Variants in CYP2J2 observed in about 807,000 individuals in gnomAD.
The protein encoded by CYP2J2 is cytochrome P450 2J2.
In CYP2J2, 41 loss-of-function variants were observed where a neutral mutation model predicts 48.8. The ratio of observed to expected loss-of-function variants is 0.84; its 90% confidence interval spans 0.66 to 1.09. The LOEUF is 1.09. Among genes scored for constraint, CYP2J2 ranks in the 50% least tolerant of loss-of-function variants. CYP2J2 has a pLI of 0.00. For synonymous variants in CYP2J2, 221 were observed against 227.1 expected (o/e 0.97, Z 0.24); for missense variants, 644 against 617.3 (o/e 1.04, Z -0.46).
chr1:59,956,426 T>G, the CYP2J2 span, among the ~76,000 whole-genome samples: 1 of 152,268 alleles, frequency 6.6e-6, no homozygotes, highest in Non-Finnish European at 1.5e-5. Flanking sequence ...ACCTTTGAAC[T>G]TATGAATATG....
the CYP2J2 span, among the ~76,000 whole-genome samples, chr1:59,949,158 C>T: frequency 1.3e-5 from 2 of 152,192 alleles, no homozygotes; most frequent in Non-Finnish European, 2.9e-5. Context: ...GCCTATATTA[C>T]TGACATACTT....
chr1:59,949,185 C>T, the CYP2J2 span, among the ~76,000 whole-genome samples: 5 of 152,160 alleles, frequency 3.3e-5, no homozygotes, highest in East Asian at 1.9e-4. Context: ...AGACCTATTG[C>T]ACAACTTATG....
the CYP2J2 span, among the ~76,000 whole-genome samples, chr1:59,940,052 G>A: frequency 5.9e-5 from 9 of 152,166 alleles, no homozygotes; most frequent in African/African-American, 2.2e-4. Context: ...ACTCCCAAGA[G>A]CTCACTTTGT....
In CYP2J2 at chr1:59,905,055, T is replaced by C. The variant is rs1481020359; in HGVS notation, c.1007A>G (p.Lys336Arg). 4 of 1,612,256 alleles carry C rather than the reference T, an allele frequency of 2.5e-6. No individual in the cohort carries two copies. Among genetic ancestry groups the C allele is most frequent in the Non-Finnish European group, 3.4e-6 (4 of 1,179,634 alleles). ...YMALYPEIQE[K>R]VQAEIDRVIG... ...CACTCTGTCAATCTCAGCTTGTACTTTTTCTGGTAAAGAGGGAAGGGTTCT... is the reference window on the plus strand; with the variant it reads ...CACTCTGTCAATCTCAGCTTGTACTCTTTCTGGTAAAGAGGGAAGGGTTCT... The change falls in exon 7 of 9, where the codon AAA (lysine) becomes AGA (arginine). Residue 336 changes from lysine to arginine, a missense_variant. Lys to Arg is a conservative substitution (Grantham distance 26). Transcript: ENST00000371204.
In CYP2J2 at chr1:59,914,660, A is replaced by G. The variant is rs11572248; in HGVS notation, c.373+1278T>C. Among the ~76,000 whole-genome samples, 1,404 of 152,310 alleles carry G rather than the reference A, an allele frequency of 9.2e-3. 18 individuals are homozygous for G. The highest frequency in any genetic ancestry group is 0.032 in the African/African-American group (1,315 of 41,572). On this transcript the variant is annotated intron_variant, in intron 2 of 8. Transcript: ENST00000371204. Reference sequence around the variant, plus strand: ...TCTTGATAAACCAGGGGCGCAATGCACTGTGAAAAGCTGCAGGGACCTCTC... The same window carrying G: ...TCTTGATAAACCAGGGGCGCAATGCGCTGTGAAAAGCTGCAGGGACCTCTC...
At chr1:59,967,514 G>A in the CYP2J2 span, among the ~76,000 whole-genome samples, 2 of 152,210 alleles carry the variant, frequency 1.3e-5, no homozygotes, top group Admixed American at 6.5e-5. Context: ...CCAGACTGCT[G>A]GGGCCTCTGC....
At chr1:59,922,698 T>C (rs1018100235) in intron 1 of CYP2J2, among the ~76,000 whole-genome samples, 1 of 152,238 alleles carries the variant, frequency 6.6e-6, no homozygotes, top group Non-Finnish European at 1.5e-5. Flanking sequence ...CATTCCATTT[T>C]ACTTCTATTA....
At chr1:59,956,310 G>T in the CYP2J2 span, among the ~76,000 whole-genome samples, 2 of 152,288 alleles carry the variant, frequency 1.3e-5, no homozygotes, top group East Asian at 3.9e-4. Context: ...GTTGGTCAGT[G>T]CTAGAGATGG....
At chr1:59,913,432 T>A (rs1020908780) in intron 2 of CYP2J2, among the ~76,000 whole-genome samples, 1 of 152,180 alleles carries the variant, frequency 6.6e-6, no homozygotes, top group South Asian at 2.1e-4. Context: ...TTTGCTGACT[T>A]AAAGGTATTT....
At chr1:59,935,005 TATATATATAC>T in the CYP2J2 span, among the ~76,000 whole-genome samples, 80 of 47,238 alleles carry the variant, frequency 1.7e-3, 3 homozygotes, top group Non-Finnish European at 2.2e-3. Context: ...TATATATATA[TATATATATAC>T]ATATATATAT....
At chr1:59,905,769 A>C (rs1644359500) in intron 6 of CYP2J2, among the ~76,000 whole-genome samples, 1 of 152,236 alleles carries the variant, frequency 6.6e-6, no homozygotes, top group South Asian at 2.1e-4. Flanking sequence ...GATTTGTGTG[A>C]CCAGATAGGA....
chr1:59,912,165 TCTC>T lies in CYP2J2; in HGVS notation c.517_519del (p.Glu173del), dbSNP rs757528200. The T allele has an allele frequency of 2.1e-5, 34 of 1,612,556 alleles. No individual in the cohort carries two copies. In the East Asian group the frequency reaches 6.9e-4, roughly 33 times the overall value. On this transcript the variant is annotated inframe_deletion, in exon 3 of 9. Transcript: ENST00000371204. ...CTCTGTCATATGCAATGCTCACCGT[TCTC>T]CTCTTTTATTGCTTCAGTGAGGTGT...
At chr1:59,945,175 T>C in the CYP2J2 span, among the ~76,000 whole-genome samples, 1 of 152,214 alleles carries the variant, frequency 6.6e-6, no homozygotes, top group South Asian at 2.1e-4. Context: ...ACAGCATTTT[T>C]ACTGCAATAA....
At chr1:59,963,672 C>T in the CYP2J2 span, among the ~76,000 whole-genome samples, 196 of 152,196 alleles carry the variant, frequency 1.3e-3, no homozygotes, top group South Asian at 2.3e-3. Flanking sequence ...CTGTTCAACC[C>T]GTTTTCAACT....
chr1:59,913,422 T>C (rs1644436340), intron 2 of CYP2J2, among the ~76,000 whole-genome samples: 1 of 152,218 alleles, frequency 6.6e-6, no homozygotes, highest in African/African-American at 2.4e-5. Flanking sequence ...CCTGCCTCAC[T>C]TTGCTGACTT....
At chr1:59,906,354 C>A (rs188693762) in intron 6 of CYP2J2, among the ~76,000 whole-genome samples, 2 of 152,178 alleles carry the variant, frequency 1.3e-5, no homozygotes, top group Admixed American at 1.3e-4. Flanking sequence ...GGTGAGCCGT[C>A]TTACAGAGTG....
the CYP2J2 span, among the ~76,000 whole-genome samples, chr1:59,954,331 G>A: frequency 6.6e-6 from 1 of 152,084 alleles, no homozygotes; most frequent in African/African-American, 2.4e-5. Context: ...AATCACTTTG[G>A]TTCAGTTAAT....
rs1256587594 is a variant in CYP2J2 at position 59,911,711 on chromosome 1, G to C, written c.581C>G (p.Ser194Cys). Residue 194 changes from serine to cysteine, a missense_variant, in exon 4 of 9, where the codon TCC (serine) becomes TGC (cysteine). Transcript: ENST00000371204. ...INNAVSNIIC[S>C]ITFGERFEYQ... Reference sequence around the variant, plus strand: ...CTCAAAGCGTTCTCCGAAGGTGATGGAGCAAATGATATTGGAAACTGCATT... The same window carrying C: ...CTCAAAGCGTTCTCCGAAGGTGATGCAGCAAATGATATTGGAAACTGCATT... 1 of 1,613,596 alleles carries C rather than the reference G, an allele frequency of 6.2e-7. No homozygotes were observed. The highest frequency in any genetic ancestry group is 1.3e-5 in the African/African-American group (1 of 74,880).
intron 1 of CYP2J2, among the ~76,000 whole-genome samples, chr1:59,925,456 G>T (rs980806439): frequency 1.3e-5 from 2 of 152,080 alleles, no homozygotes; most frequent in Admixed American, 6.5e-5. Flanking sequence ...ATATTTAAAA[G>T]AACTGAAATT....
Sources: gnomAD v4.1 joint callset for allele counts (sites outside exome capture counted in the v4.1 genomes callset) on GRCh38, gnomAD v4.1.1 for gene constraint, MANE v1.5 for transcripts, NCBI Gene and HGNC (gene_info 2026-07-23, HGNC 2026-07-21) for gene names.